JAKMIP1: variants seen among roughly 807,000 people sequenced by gnomAD.
The protein encoded by JAKMIP1 is janus kinase and microtubule-interacting protein 1.
In JAKMIP1, 33 loss-of-function variants were observed where a neutral mutation model predicts 113.0. The observed-to-expected ratio is 0.29, with a 90% CI of 0.22 to 0.39. JAKMIP1 has a LOEUF of 0.39. Among genes scored for constraint, JAKMIP1 ranks in the 10% least tolerant of loss-of-function variants. The pLI, the probability that JAKMIP1 is intolerant of heterozygous loss-of-function variation, is 1.00. For missense variants in JAKMIP1, 813 were observed against 1,080.5 expected (o/e 0.75, Z 3.47); for synonymous variants, 480 against 459.9 (o/e 1.04, Z -0.56).
At chr4:6,127,537 C>A (rs1717869902) in intron 1 of JAKMIP1, among the ~76,000 whole-genome samples, 1 of 152,192 alleles carries the variant, frequency 6.6e-6, no homozygotes, top group Non-Finnish European at 1.5e-5. Context: ...TGGGACCTCA[C>A]TGGCACGTTG....
At chr4:6,037,295 C>A (rs1336256599) in intron 18 of JAKMIP1, among the ~76,000 whole-genome samples, 1 of 123,808 alleles carries the variant, frequency 8.1e-6, no homozygotes, top group Non-Finnish European at 1.6e-5. Context: ...AGCCCTCCAA[C>A]ACCAAGGCAG....
At chr4:6,151,554 TAA>T (rs1721574055) in intron 1 of JAKMIP1, among the ~76,000 whole-genome samples, 1 of 152,094 alleles carries the variant, frequency 6.6e-6, no homozygotes, top group African/African-American at 2.4e-5. Flanking sequence ...TCACCTCCCC[TAA>T]GTCTTCCTAG....
At chr4:6,062,246 C>T in intron 10 of JAKMIP1, 66 bp downstream of exon 10, 1 of 1,576,440 alleles carries the variant, frequency 6.3e-7, no homozygotes. Context: ...TGTCACACTT[C>T]TGGAAAGGAC....
chr4:6,047,510 C>G (rs942980406), intron 16 of JAKMIP1, among the ~76,000 whole-genome samples: 3 of 152,176 alleles, frequency 2.0e-5, no homozygotes, highest in South Asian at 4.1e-4. Flanking sequence ...ATCCCCGTCC[C>G]GCGGTTCACC....
intron 8 of JAKMIP1, among the ~76,000 whole-genome samples, chr4:6,075,498 G>A (rs894856437): frequency 6.6e-6 from 1 of 152,042 alleles, no homozygotes; most frequent in Non-Finnish European, 1.5e-5. Context: ...ACTGAATCTT[G>A]AGAAAAAGAA....
chr4:6,057,597 G>C (rs749932991), intron 11 of JAKMIP1, among the ~76,000 whole-genome samples: 3 of 152,210 alleles, frequency 2.0e-5, no homozygotes, highest in Non-Finnish European at 4.4e-5. Flanking sequence ...ACCAGGCTGC[G>C]AGCACCTGTG....
chr4:6,170,680 TCCA>T (rs1483196888), intron 1 of JAKMIP1, among the ~76,000 whole-genome samples: 11 of 143,308 alleles, frequency 7.7e-5, no homozygotes, highest in Non-Finnish European at 1.7e-4. Context: ...CCTTCTCACC[TCCA>T]CTGTCACCCT....
At chr4:6,104,516 G>A (rs1225386157) in intron 3 of JAKMIP1, among the ~76,000 whole-genome samples, 2 of 152,200 alleles carry the variant, frequency 1.3e-5, no homozygotes, top group Admixed American at 6.5e-5. Flanking sequence ...CTTGCACAGT[G>A]TATCTTTCCC....
At chr4:6,128,436 A>C (rs1718046556) in intron 1 of JAKMIP1, among the ~76,000 whole-genome samples, 1 of 152,182 alleles carries the variant, frequency 6.6e-6, no homozygotes, top group Non-Finnish European at 1.5e-5. Context: ...GAATGAGCTC[A>C]GAAGGGACCA....
At chr4:6,107,638 T>A (rs1714181993) in intron 2 of JAKMIP1, among the ~76,000 whole-genome samples, 2 of 152,146 alleles carry the variant, frequency 1.3e-5, no homozygotes, top group Admixed American at 1.3e-4. Context: ...AGCTGCAAGA[T>A]CAACCCTTGC....
At chr4:6,174,482 C>T (rs957976228) in intron 1 of JAKMIP1, among the ~76,000 whole-genome samples, 2 of 152,190 alleles carry the variant, frequency 1.3e-5, no homozygotes, top group African/African-American at 2.4e-5. Context: ...TCAGAGGTCA[C>T]GGGCCCTCAG....
intron 1 of JAKMIP1, among the ~76,000 whole-genome samples, chr4:6,164,131 C>T (rs1723289508): frequency 1.3e-5 from 2 of 152,206 alleles, no homozygotes; most frequent in Non-Finnish European, 2.9e-5. Flanking sequence ...GAAGAAGATG[C>T]CATCTAGGAC....
At position 6,158,311 on chromosome 4, in the gene JAKMIP1, G is replaced by T. The variant is rs78383069; in HGVS notation, c.-148+41942C>A. On this transcript the variant is annotated intron_variant, in intron 1 of 20. Coordinates refer to ENST00000409021, the MANE Select transcript of JAKMIP1 (RefSeq NM_001099433.2). The surrounding 1 kb of genome is among the most constrained non-coding windows in gnomAD (Gnocchi z 5.3). The stretch of plus-strand genomic sequence containing the variant: ...GAAAGCCCAGAACCTAACATCATAG[G>T]GATGGTAGTGGGATGGGGTGGTGTC... Among the ~76,000 whole-genome samples the T allele has an allele frequency of 6.6e-6, 1 of 152,282 alleles. No individual in the cohort carries two copies. The highest frequency in any genetic ancestry group is 1.5e-5 in the Non-Finnish European group (1 of 68,020).
At chr4:6,028,548 T>C (rs1178112289) in intron 20 of JAKMIP1, among the ~76,000 whole-genome samples, 6 of 152,256 alleles carry the variant, frequency 3.9e-5, no homozygotes, top group Non-Finnish European at 5.9e-5. Flanking sequence ...GATTCCCTAC[T>C]GGACTGGAAA....
At position 6,112,712 on chromosome 4, in the gene JAKMIP1, C is replaced by T; in HGVS notation, c.129+10G>A. 2 of 1,612,994 alleles carry T rather than the reference C, an allele frequency of 1.2e-6. No individual in the cohort carries two copies. The highest frequency in any genetic ancestry group is 2.2e-5 in the South Asian group (2 of 91,028). Reference sequence around the variant, plus strand: ...AGCCCAGCCGCTGCTGAGCTGACGCCAACCCCCACCTTGCTTTTTTCCTGC... The same window carrying T: ...AGCCCAGCCGCTGCTGAGCTGACGCTAACCCCCACCTTGCTTTTTTCCTGC... On this transcript the variant is annotated intron_variant, in intron 2 of 20. Coordinates refer to ENST00000409021, the MANE Select transcript of JAKMIP1 (RefSeq NM_001099433.2).
intron 1 of JAKMIP1, among the ~76,000 whole-genome samples, chr4:6,126,371 G>GCACAAACACACACCATGCAGAAACACTCA (rs149868835): frequency 0.7 from 81,302 of 116,924 alleles, 27,197 homozygotes; most frequent in Middle Eastern, 0.8. Flanking sequence ...ACACACACAT[G>GCACAAACACACACCATGCAGAAACACTCA]CACAAACACA....
rs1721329403 is a variant in JAKMIP1, at chr4:6,086,463, C to T, written c.625-834G>A. 6.6e-6 allele frequency among the ~76,000 whole-genome samples: 1 copy of T among 152,010 alleles called. No individual in the cohort carries two copies. Among genetic ancestry groups the T allele is most frequent in the Non-Finnish European group, 1.5e-5 (1 of 68,004 alleles). On this transcript the variant is annotated intron_variant, in intron 3 of 20. Transcript: ENST00000409021. The surrounding 1 kb of genome is among the most constrained non-coding windows in gnomAD (Gnocchi z 4.1). ...GGACCACAGCCTCTCCACGTACAAA[C>T]CTGAACTTAATCTTCAGTTCACCCC...
chr4:6,106,099 G>A lies in JAKMIP1; in HGVS notation c.130-132C>T, dbSNP rs986294763. 1.6e-6 allele frequency: 1 copy of A among 630,644 alleles called. No homozygotes were observed. The highest frequency in any genetic ancestry group is 1.8e-5 in the African/African-American group (1 of 54,276). The allele number at this position is 630,644 out of a possible 1,614,324, so 39.1% of individuals were successfully genotyped here. A position where few individuals can be genotyped will look rare whatever the true frequency, so the allele number is the denominator to read the frequency against. On this transcript the variant is annotated intron_variant, in intron 2 of 20. Coordinates refer to ENST00000409021, the MANE Select transcript of JAKMIP1 (RefSeq NM_001099433.2). This position sits in a 1 kb window ranked among gnomAD's most constrained non-coding sequence, Gnocchi z 5.9. ...ACCCACCTGGGCCCACGTTCCCATG[G>A]ATTCCCCCTTCGGCAGTGCCCTGCA...
At chr4:6,099,032 T>C (rs1008571572) in intron 3 of JAKMIP1, among the ~76,000 whole-genome samples, 5 of 152,256 alleles carry the variant, frequency 3.3e-5, no homozygotes, top group Non-Finnish European at 7.3e-5. Flanking sequence ...CCCAGTGCTG[T>C]GTAATATCCC....
Sources: gnomAD v4.1 joint callset for allele counts (sites outside exome capture counted in the v4.1 genomes callset) on GRCh38, gnomAD v4.1.1 for gene constraint, Gnocchi (gnomAD v3.1) non-coding constraint, MANE v1.5 for transcripts, NCBI Gene and HGNC (gene_info 2026-07-23, HGNC 2026-07-21) for gene names.